Variants in TAFA1 observed in about 807,000 individuals in gnomAD.
TAFA1 encodes TAFA chemokine like family member 1.
In TAFA1, 4 loss-of-function variants were observed where a neutral mutation model predicts 18.5. The observed-to-expected ratio is 0.22, with a 90% CI of 0.11 to 0.49. The LOEUF (loss-of-function observed/expected upper bound fraction) is 0.49. TAFA1 is among the 20% of genes least tolerant of loss of function. The pLI, the probability that TAFA1 is intolerant of heterozygous loss-of-function variation, is 0.98. For synonymous variants in TAFA1, 56 were observed against 55.2 expected, an observed-to-expected ratio of 1.01 and a Z score of -0.06; for missense variants, 147 against 169.0, an observed-to-expected ratio of 0.87 and a Z score of 0.72.
intron 2 of TAFA1, among the ~76,000 whole-genome samples, chr3:68,258,938 G>A (rs977456076): frequency 9.9e-5 from 15 of 152,152 alleles, no homozygotes; most frequent in African/African-American, 3.6e-4. Flanking sequence ...AGGTTCTGCT[G>A]GATTCTGATC....
intron 3 of TAFA1, among the ~76,000 whole-genome samples, chr3:68,439,412 C>CATACATATATATATAT (rs1264523262): frequency 0.013 from 934 of 73,234 alleles, 47 homozygotes; most frequent in African/African-American, 0.059. Context: ...TATATACATA[C>CATACATATATATATAT]ATATATATAT....
chr3:68,337,403 A>G (rs916449918), intron 2 of TAFA1, among the ~76,000 whole-genome samples: 4 of 152,090 alleles, frequency 2.6e-5, no homozygotes, highest in South Asian at 2.1e-4. Context: ...CCATGATCCA[A>G]TCACCTCCCA....
chr3:68,249,607 C>T (rs1327709209), intron 2 of TAFA1, among the ~76,000 whole-genome samples: 1 of 152,090 alleles, frequency 6.6e-6, no homozygotes, highest in Non-Finnish European at 1.5e-5. Context: ...GGGTACCCTC[C>T]ACCACCAATC....
intron 2 of TAFA1, among the ~76,000 whole-genome samples, chr3:68,382,869 T>A (rs1420337703): frequency 1.3e-5 from 2 of 152,190 alleles, no homozygotes; most frequent in African/African-American, 4.8e-5. Flanking sequence ...GTTTGTGTCA[T>A]CTCTGATGTT....
chr3:68,364,670 A>G (rs748436814), intron 2 of TAFA1, among the ~76,000 whole-genome samples: 3 of 152,168 alleles, frequency 2.0e-5, no homozygotes, highest in Non-Finnish European at 4.4e-5. Flanking sequence ...TATATTCTTC[A>G]ATTCTGTTTT....
chr3:68,390,451 G>T (rs2070210373), intron 2 of TAFA1, among the ~76,000 whole-genome samples: 1 of 152,178 alleles, frequency 6.6e-6, no homozygotes, highest in Non-Finnish European at 1.5e-5. Context: ...AAACATTCCT[G>T]CCTGCCAGCT....
chr3:68,519,608 A>G (rs1183902901), intron 3 of TAFA1, among the ~76,000 whole-genome samples: 8 of 152,334 alleles, frequency 5.3e-5, no homozygotes, highest in Non-Finnish European at 5.9e-5. Context: ...AACAACAGAA[A>G]CATATTTCTG....
At chr3:68,181,949 G>A in intron 2 of TAFA1, among the ~76,000 whole-genome samples, 1 of 152,204 alleles carries the variant, frequency 6.6e-6, no homozygotes, top group East Asian at 1.9e-4. Flanking sequence ...GTTCATGCCT[G>A]TAATCCCAGC....
chr3:68,193,740 T>C (rs1221731262), intron 2 of TAFA1, among the ~76,000 whole-genome samples: 1 of 151,476 alleles, frequency 6.6e-6, no homozygotes, highest in Non-Finnish European at 1.5e-5. Context: ...GGCTTTAAAG[T>C]GGATTGCAAA....
chr3:68,411,125 G>T (rs1239822566), intron 2 of TAFA1, among the ~76,000 whole-genome samples: 1 of 152,060 alleles, frequency 6.6e-6, no homozygotes, highest in South Asian at 2.1e-4. Flanking sequence ...TTTGTCTGAG[G>T]GAGTCTTGAA....
chr3:68,405,699 C>CCAAAAAAAA (rs1559655011), intron 2 of TAFA1, among the ~76,000 whole-genome samples: 3 of 32,850 alleles, frequency 9.1e-5, no homozygotes, highest in Non-Finnish European at 2.3e-4. Context: ...GACTCTATCT[C>CCAAAAAAAA]AAAAAAAAAA....
intron 2 of TAFA1, among the ~76,000 whole-genome samples, chr3:68,060,416 C>T (rs1042366014): frequency 2.0e-5 from 3 of 152,164 alleles, no homozygotes; most frequent in African/African-American, 7.2e-5. Flanking sequence ...ACTGATGCAA[C>T]TTCAAGTTAG....
At chr3:68,111,796 G>GAGAGAC (rs1470889198) in intron 2 of TAFA1, among the ~76,000 whole-genome samples, 1 of 151,434 alleles carries the variant, frequency 6.6e-6, no homozygotes, top group Non-Finnish European at 1.5e-5. Flanking sequence ...GAGAGAGAGA[G>GAGAGAC]AGAGAGAAGA....
rs763566869 is a variant in TAFA1, at chr3:68,509,919, C to A, written c.260-28837C>A. ...CTGAGGCAACTGGCTCCAGAGTGGGCTATTACCACTAATTTATGCCCTCTT... is the reference window on the plus strand; with the variant it reads ...CTGAGGCAACTGGCTCCAGAGTGGGATATTACCACTAATTTATGCCCTCTT... On this transcript the variant is annotated intron_variant, in intron 3 of 4. Coordinates refer to ENST00000478136, the MANE Select transcript of TAFA1 (RefSeq NM_213609.4). Among the ~76,000 whole-genome samples, 5 of 152,074 alleles carry A rather than the reference C, an allele frequency of 3.3e-5. No individual in the cohort carries two copies. The South Asian group carries it at 8.3e-4, about 25-fold the overall frequency.
chr3:68,264,312 T>C (rs995839824), intron 2 of TAFA1, among the ~76,000 whole-genome samples: 5 of 152,122 alleles, frequency 3.3e-5, no homozygotes, highest in African/African-American at 1.2e-4. Context: ...TAAACAATAG[T>C]TCAGGTCGTT....
intron 2 of TAFA1, among the ~76,000 whole-genome samples, chr3:68,380,225 C>T (rs1046495347): frequency 2.0e-5 from 3 of 152,102 alleles, no homozygotes; most frequent in African/African-American, 4.8e-5. Flanking sequence ...CCGCAATAAA[C>T]ATACGCGTGC....
intron 2 of TAFA1, among the ~76,000 whole-genome samples, chr3:68,413,427 A>C (rs2070754078): frequency 6.6e-6 from 1 of 152,176 alleles, no homozygotes; most frequent in Non-Finnish European, 1.5e-5. Flanking sequence ...ACATAGGAAA[A>C]ACTCAATAAA....
At chr3:68,392,085 A>T (rs1220571894) in intron 2 of TAFA1, among the ~76,000 whole-genome samples, 1 of 151,078 alleles carries the variant, frequency 6.6e-6, no homozygotes, top group African/African-American at 2.4e-5. Flanking sequence ...AAGAGTCAAC[A>T]CCCATCAGTG....
At chr3:68,014,444 G>T (rs1704532027) in intron 2 of TAFA1, among the ~76,000 whole-genome samples, 1 of 152,138 alleles carries the variant, frequency 6.6e-6, no homozygotes, top group Non-Finnish European at 1.5e-5. Context: ...ATATCAAATG[G>T]TAATGAGGAA....
Sources: gnomAD v4.1 joint callset for allele counts (sites outside exome capture counted in the v4.1 genomes callset) on GRCh38, gnomAD v4.1.1 for gene constraint, MANE v1.5 for transcripts, NCBI Gene and HGNC (gene_info 2026-07-23, HGNC 2026-07-21) for gene names.